SCN9A: variants seen among roughly 807,000 people sequenced by gnomAD.
The protein encoded by SCN9A is sodium voltage-gated channel alpha subunit 9.
A neutral mutation model predicts 187.0 loss-of-function variants in SCN9A; 131 were observed. That is an observed-to-expected ratio of 0.70 (90% CI 0.61 to 0.81). The LOEUF is 0.81. SCN9A is among the 30% of genes least tolerant of loss of function. SCN9A has a pLI of 0.00. For missense variants in SCN9A, 2,252 were observed against 2,396.6 expected, an observed-to-expected ratio of 0.94 and a Z score of 1.26; for synonymous variants, 809 against 808.6, an observed-to-expected ratio of 1.00 and a Z score of -0.01.
intron 1 of SCN9A, among the ~76,000 whole-genome samples, chr2:166,342,115 T>A (rs766481843): frequency 1.3e-5 from 2 of 152,192 alleles, no homozygotes; most frequent in Non-Finnish European, 2.9e-5. Flanking sequence ...ATACCTTATA[T>A]TTGAGAAATT....
intron 26 of SCN9A, among the ~76,000 whole-genome samples, chr2:166,201,413 T>C (rs1418557780): frequency 6.8e-6 from 1 of 147,144 alleles, no homozygotes; most frequent in Admixed American, 6.9e-5. Context: ...CTATATAGCA[T>C]ATAGTATGCA....
Position 166,198,541 on chromosome 2 carries a change from G to GAGTT in SCN9A, c.*127_*130dup, listed in dbSNP as rs1693313765. On this transcript the variant is annotated 3_prime_UTR_variant, in exon 27 of 27. Transcript: ENST00000642356. ...GCTGCCCACCTTTCTTAGGAAATCAGAGTTAGTGACTGCACTGCCTTCGAG... is the reference window on the plus strand; with the variant it reads ...GCTGCCCACCTTTCTTAGGAAATCAGAGTTAGTTAGTGACTGCACTGCCTTCGAG... The GAGTT allele has an allele frequency of 1.3e-5, 9 of 668,638 alleles. No homozygotes were observed. The South Asian group carries it at 1.9e-4, about 14-fold the overall frequency. The allele number at this position is 668,638 out of a possible 1,614,324, so 41.4% of individuals were successfully genotyped here.
At chr2:166,297,652 T>C (rs920024320) in intron 7 of SCN9A, among the ~76,000 whole-genome samples, 11 of 151,966 alleles carry the variant, frequency 7.2e-5, no homozygotes, top group African/African-American at 2.7e-4. Context: ...CCTGGGTTTC[T>C]TGGTGGGAAA....
rs566032163 is a variant in SCN9A, at chr2:166,234,124, A to G, written c.3802-662T>C. 1.4e-3 allele frequency among the ~76,000 whole-genome samples: 220 copies of G among 152,274 alleles called. 1 individual carries two copies. Among genetic ancestry groups the G allele is most frequent in the African/African-American group, 5.0e-3 (206 of 41,560 alleles). ...AGAGCTTCATCATGTTAGATAGATCAGCCACAATTACCATAACCAGTATCC... is the reference window on the plus strand; with the variant it reads ...AGAGCTTCATCATGTTAGATAGATCGGCCACAATTACCATAACCAGTATCC... On this transcript the variant is annotated intron_variant, in intron 20 of 26. Transcript: ENST00000642356.
intron 1 of SCN9A, among the ~76,000 whole-genome samples, chr2:166,338,041 A>G (rs561214522): frequency 2.6e-5 from 4 of 152,262 alleles, no homozygotes; most frequent in African/African-American, 4.8e-5. Context: ...CCCAGGATAC[A>G]AGAGAGAAAC....
intron 1 of SCN9A, among the ~76,000 whole-genome samples, chr2:166,327,299 C>T (rs182169962): frequency 3.9e-5 from 6 of 152,146 alleles, no homozygotes; most frequent in African/African-American, 4.8e-5. Context: ...ACCACAGGTG[C>T]GTGCCACCAT....
intron 11 of SCN9A, among the ~76,000 whole-genome samples, chr2:166,286,047 T>C (rs1458933711): frequency 2.0e-5 from 3 of 152,192 alleles, no homozygotes; most frequent in African/African-American, 7.2e-5. Context: ...ATAGTGTGAA[T>C]GGTCTCTTTA....
intron 1 of SCN9A, among the ~76,000 whole-genome samples, chr2:166,329,594 G>A (rs1333426159): frequency 4.0e-5 from 6 of 151,802 alleles, no homozygotes; most frequent in African/African-American, 1.2e-4. Flanking sequence ...GTTGTTTGGA[G>A]GTAAGAGCAA....
Position 166,288,542 on chromosome 2 carries a change from C to T in SCN9A, c.1209G>A (p.Met403Ile). 6.2e-7 allele frequency: 1 copy of T among 1,613,040 alleles called. No homozygotes were observed. The highest frequency in any genetic ancestry group is 8.5e-7 in the Non-Finnish European group (1 of 1,179,288). Residue 403 changes from methionine to isoleucine, a missense_variant, in exon 10 of 27, where the codon ATG becomes ATA. Around this residue, in one of 7 missense-constraint regions of SCN9A, gnomAD observed 1,013 missense variants for 997.4 expected, o/e 1.02. Transcript: ENST00000642356. ...LINLILAVVA[M>I]AYEEQNQANI... ...TTGCCTGGTTCTGTTCTTCATATGC[C>T]ATGGCAACCACAGCCAGGATCAAGT...
At chr2:166,220,335 T>G (rs567061878) in intron 24 of SCN9A, among the ~76,000 whole-genome samples, 20 of 152,304 alleles carry the variant, frequency 1.3e-4, no homozygotes, top group Non-Finnish European at 2.4e-4. Flanking sequence ...TGTGACAGAA[T>G]TGGGAGGTGA....
rs751920813 is a variant in SCN9A at position 166,304,356 on chromosome 2, G to T, written c.597-27C>A. ...TGTAGAATTAAATCAGAATTATTCA[G>T]AATTTAGATAGAGTCTATGATACTT... On this transcript the variant is annotated intron_variant, in intron 5 of 26. Transcript: ENST00000642356. 4 of 1,584,254 alleles carry T rather than the reference G, an allele frequency of 2.5e-6. No individual in the cohort carries two copies. In the South Asian group the frequency reaches 4.4e-5, roughly 18 times the overall value.
chr2:166,247,564 T>C (rs886177457), intron 18 of SCN9A, among the ~76,000 whole-genome samples: 4 of 152,088 alleles, frequency 2.6e-5, no homozygotes, highest in African/African-American at 9.7e-5. Context: ...GTTGCCAGGC[T>C]GGAGTGCAGT....
chr2:166,277,234 T>A lies in SCN9A; in HGVS notation c.2623A>T (p.Ile875Phe). Reference sequence around the variant, plus strand: ...ACCACAGCAAAAATGAAGACGATGATGGCCAACACTAAGGTGAGGTTACCT... The same window carrying A: ...ACCACAGCAAAAATGAAGACGATGAAGGCCAACACTAAGGTGAGGTTACCT... ...ALGNLTLVLAIIVFIFAVVGM... is the reference protein window; with the variant it reads ...ALGNLTLVLAFIVFIFAVVGM... Residue 875 changes from isoleucine (I) to phenylalanine (F), a missense_variant, in exon 16 of 27, where the codon ATC (isoleucine) becomes TTC (phenylalanine). By Grantham distance (21) the Ile-to-Phe change is conservative. This residue lies in a region of SCN9A where 119 missense variants were observed against 188.7 expected (regional missense o/e 0.63). Coordinates refer to ENST00000642356, the MANE Select transcript of SCN9A (RefSeq NM_001365536.1). The A allele has an allele frequency of 6.2e-7, 1 of 1,614,126 alleles. No homozygotes were observed. Among genetic ancestry groups the A allele is most frequent in the Non-Finnish European group, 8.5e-7 (1 of 1,179,990 alleles).
intron 1 of SCN9A, among the ~76,000 whole-genome samples, chr2:166,338,658 T>G (rs1699690317): frequency 6.6e-6 from 1 of 152,144 alleles, no homozygotes; most frequent in African/African-American, 2.4e-5. Flanking sequence ...TTACTTAAAT[T>G]ACATCATTTT....
chr2:166,336,599 A>G (rs146953750), intron 1 of SCN9A, among the ~76,000 whole-genome samples: 27 of 152,222 alleles, frequency 1.8e-4, no homozygotes, highest in African/African-American at 5.3e-4. Context: ...CCATTTAACA[A>G]TGCCAGGGTC....
intron 1 of SCN9A, among the ~76,000 whole-genome samples, chr2:166,342,888 C>A (rs962899616): frequency 2.0e-5 from 3 of 152,168 alleles, no homozygotes; most frequent in African/African-American, 7.2e-5. Flanking sequence ...TTGCATACAT[C>A]CACCACCAAA....
intron 1 of SCN9A, among the ~76,000 whole-genome samples, chr2:166,337,474 G>T (rs1699657354): frequency 6.6e-6 from 1 of 152,070 alleles, no homozygotes; most frequent in Non-Finnish European, 1.5e-5. Context: ...AGAGTATTTT[G>T]ACATTGCCCA....
intron 18 of SCN9A, among the ~76,000 whole-genome samples, chr2:166,244,461 C>T (rs1172391568): frequency 2.6e-5 from 4 of 152,138 alleles, no homozygotes; most frequent in Admixed American, 6.6e-5. Context: ...ACTATATAAA[C>T]TTAGAATTCT....
At chr2:166,226,739 A>C (rs200603581) in intron 23 of SCN9A, 35 bp from the exon 24 acceptor site, 2 of 1,467,238 alleles carry the variant, frequency 1.4e-6, no homozygotes, top group Non-Finnish European at 1.8e-6. Context: ...TTATATGGAC[A>C]GTAACATTCA....
Sources: gnomAD v4.1 joint callset for allele counts (sites outside exome capture counted in the v4.1 genomes callset) on GRCh38, gnomAD v4.1.1 for gene constraint, gnomAD v4.1.1 regional missense constraint, MANE v1.5 for transcripts, NCBI Gene and HGNC (gene_info 2026-07-23, HGNC 2026-07-21) for gene names.